STIMATE: variants seen among roughly 807,000 people sequenced by gnomAD.
STIMATE encodes store-operated calcium entry regulator STIMATE.
In STIMATE, 15 loss-of-function variants were observed where a neutral mutation model predicts 36.7. The ratio of observed to expected loss-of-function variants is 0.41; its 90% CI spans 0.27 to 0.63. The LOEUF is 0.63. Among genes scored for constraint, STIMATE ranks in the 20% least tolerant of loss-of-function variants. STIMATE has a pLI of 0.32. For missense variants in STIMATE, 305 were observed against 397.3 expected, an observed-to-expected ratio of 0.77 and a Z score of 1.98; for synonymous variants, 163 against 162.3, an observed-to-expected ratio of 1.00 and a Z score of -0.03.
At chr3:52,867,023 G>C (rs2106695984) in intron 1 of STIMATE, among the ~76,000 whole-genome samples, 1 of 152,290 alleles carries the variant, frequency 6.6e-6, no homozygotes, top group East Asian at 1.9e-4. Context: ...GGGTCTCCCG[G>C]CTGCAGCCCT....
chr3:52,873,033 A>C (rs1575342055), intron 1 of STIMATE, among the ~76,000 whole-genome samples: 1 of 152,388 alleles, frequency 6.6e-6, no homozygotes, highest in Non-Finnish European at 1.5e-5. Context: ...CCCAGGTTCT[A>C]AGTTTAGCCA....
intron 1 of STIMATE, among the ~76,000 whole-genome samples, chr3:52,886,639 G>T (rs1031511943): frequency 1.3e-5 from 2 of 152,228 alleles, no homozygotes; most frequent in African/African-American, 4.8e-5. Context: ...CCAAATGGGG[G>T]AGGCTTTCCA....
chr3:52,842,755 C>T, intron 7 of STIMATE, 56 bp downstream of exon 7: 1 of 1,608,964 alleles, frequency 6.2e-7, no homozygotes, highest in Non-Finnish European at 8.5e-7. Context: ...GACCAGAGAC[C>T]CCCTTGGGCC....
At chr3:52,844,556 A>G (rs1257856815) in intron 5 of STIMATE, among the ~76,000 whole-genome samples, 1 of 152,232 alleles carries the variant, frequency 6.6e-6, no homozygotes, top group Non-Finnish European at 1.5e-5. Flanking sequence ...AAGGCCTAAA[A>G]ACCACCATCA....
chr3:52,849,957 G>A (rs2106663923), intron 3 of STIMATE, 44 bp from the exon 4 acceptor site: 1 of 1,593,162 alleles, frequency 6.3e-7, no homozygotes, highest in Non-Finnish European at 8.6e-7. Context: ...GAAGCCACGG[G>A]GCCAGAGGTC....
At chr3:52,860,486 C>T (rs1701199528) in intron 1 of STIMATE, among the ~76,000 whole-genome samples, 1 of 150,296 alleles carries the variant, frequency 6.7e-6, no homozygotes, top group African/African-American at 2.5e-5. Flanking sequence ...GCGGGAGAGG[C>T]AGCTGGACCT....
At chr3:52,883,738 T>C (rs1232761057) in intron 1 of STIMATE, among the ~76,000 whole-genome samples, 3 of 152,216 alleles carry the variant, frequency 2.0e-5, no homozygotes, top group Admixed American at 6.5e-5. Context: ...TTCATGAATT[T>C]TTCAGAAATT....
intron 1 of STIMATE, among the ~76,000 whole-genome samples, chr3:52,891,051 T>C (rs1040919654): frequency 6.7e-6 from 1 of 150,272 alleles, no homozygotes; most frequent in African/African-American, 2.5e-5. Context: ...TTTAATGTTA[T>C]CAACAGTCAA....
chr3:52,897,317 C>G lies in STIMATE; in HGVS notation c.134G>C (p.Gly45Ala). ...SFGIFLQGLLGVVAFSTLMLK... is the reference protein window; with the variant it reads ...SFGIFLQGLLAVVAFSTLMLK... ...CATTAACGTGCTGAAGGCCACGACG[C>G]CGAGCAGCCCCTGCAGGAAGATGCC... The change falls in exon 1 of 8, where the codon GGC becomes GCC. Residue 45 changes from glycine to alanine, a missense_variant. Physicochemically the swap from Gly to Ala is moderately conservative, Grantham distance 60. Around this residue, in one of 3 missense-constraint regions of STIMATE, gnomAD observed 164 missense variants for 257.9 expected, o/e 0.64. Coordinates refer to ENST00000355083, the MANE Select transcript of STIMATE (RefSeq NM_198563.5). 2.6e-6 allele frequency: 4 copies of G among 1,554,000 alleles called. No individual in the cohort carries two copies. Among genetic ancestry groups the G allele is most frequent in the Non-Finnish European group, 3.5e-6 (4 of 1,157,616 alleles).
chr3:52,855,056 C>T (rs1701070213), intron 2 of STIMATE, among the ~76,000 whole-genome samples: 1 of 152,140 alleles, frequency 6.6e-6, no homozygotes, highest in South Asian at 2.1e-4. Context: ...ATACAGAACA[C>T]AGAATCCAGG....
At chr3:52,863,423 C>A (rs897039536) in intron 1 of STIMATE, among the ~76,000 whole-genome samples, 1 of 152,080 alleles carries the variant, frequency 6.6e-6, no homozygotes. Context: ...TGGGGGAAAC[C>A]ACCCCCATGA....
chr3:52,884,887 G>A (rs1408809045), intron 1 of STIMATE, among the ~76,000 whole-genome samples: 3 of 152,294 alleles, frequency 2.0e-5, no homozygotes, highest in East Asian at 3.9e-4. Context: ...TCATGCACAC[G>A]TCCTTCTATG....
chr3:52,847,643 G>T, intron 4 of STIMATE: 3 of 1,012,056 alleles, frequency 3.0e-6, no homozygotes, highest in Non-Finnish European at 4.1e-6. Flanking sequence ...AAATGGATGG[G>T]CAGGATAACA....
In STIMATE at chr3:52,862,382, C is replaced by T. The variant is rs546771379; in HGVS notation, c.161-6938G>A. On this transcript the variant is annotated intron_variant, in intron 1 of 7. Coordinates refer to ENST00000355083, the MANE Select transcript of STIMATE (RefSeq NM_198563.5). ...CCTATCCACCCACCCATCCACTCCA[C>T]CAGCACTGAGCACTTACTCTGTGCT... Among the ~76,000 whole-genome samples the T allele has an allele frequency of 3.9e-5, 6 of 152,334 alleles. No individual in the cohort carries two copies. In the South Asian group the frequency reaches 1.2e-3, roughly 32 times the overall value.
chr3:52,897,540 C>G lies in STIMATE; in HGVS notation c.-90G>C, dbSNP rs1701888035. 3 of 1,176,798 alleles carry G rather than the reference C, an allele frequency of 2.5e-6. No homozygotes were observed. The highest frequency in any genetic ancestry group is 3.1e-6 in the Non-Finnish European group (3 of 953,184). 72.9% of individuals were successfully genotyped at this position (1,176,798 alleles called of 1,614,324 possible). A position where few individuals can be genotyped will look rare whatever the true frequency, so the allele number is the denominator to read the frequency against. On this transcript the variant is annotated 5_prime_UTR_variant, in exon 1 of 8. Transcript: ENST00000355083. ...GCGCCGCCAAACCCGCAGCCGGGAT[C>G]CCAAGCCTGAGCCGGTACCTCCGCC... is the stretch of plus-strand genomic sequence containing the variant.
intron 1 of STIMATE, among the ~76,000 whole-genome samples, chr3:52,857,209 G>A (rs1167237809): frequency 6.6e-6 from 1 of 152,234 alleles, no homozygotes; most frequent in Non-Finnish European, 1.5e-5. Flanking sequence ...TTACAAGTCT[G>A]TTTAGAGAGA....
intron 1 of STIMATE, among the ~76,000 whole-genome samples, chr3:52,884,210 T>C (rs770894009): frequency 3.3e-5 from 5 of 151,850 alleles, no homozygotes; most frequent in African/African-American, 1.2e-4. Flanking sequence ...GTAACCCTAC[T>C]ACAATCAAGA....
chr3:52,887,328 G>A (rs1053096638), intron 1 of STIMATE, among the ~76,000 whole-genome samples: 5 of 152,322 alleles, frequency 3.3e-5, no homozygotes, highest in Admixed American at 2.0e-4. Flanking sequence ...GGAGCATTTC[G>A]CCATAGCATC....
chr3:52,851,046 G>A (rs1205384836), intron 3 of STIMATE, among the ~76,000 whole-genome samples: 1 of 152,190 alleles, frequency 6.6e-6, no homozygotes, highest in Non-Finnish European at 1.5e-5. Context: ...TAAAGAGCGA[G>A]CTTTACTCCC....
Sources: allele counts gnomAD v4.1 joint callset (sites outside exome capture counted in the v4.1 genomes callset), GRCh38; gene constraint gnomAD v4.1.1; regional missense constraint gnomAD v4.1.1; transcripts MANE v1.5; gene names NCBI Gene and HGNC (gene_info 2026-07-23, HGNC 2026-07-21).